Variants in UBP1 observed in about 807,000 individuals in gnomAD.
UBP1 encodes the protein upstream binding protein 1, also known as upstream-binding protein 1.
A neutral mutation model predicts 76.1 loss-of-function variants in UBP1; 22 were observed. That is an observed-to-expected ratio of 0.29 (90% confidence interval 0.21 to 0.41). The LOEUF is 0.41. UBP1 is among the 10% of genes least tolerant of loss of function. The probability of loss-of-function intolerance (pLI) is 1.00; values close to 1 mark genes in which losing one functional copy is unlikely to be tolerated. For missense variants in UBP1, 436 were observed against 668.1 expected (o/e 0.65, Z 3.83); for synonymous variants, 224 against 237.1 (o/e 0.94, Z 0.51).
chr3:33,396,694 C>A, intron 12 of UBP1: 1 of 457,248 alleles, frequency 2.2e-6, no homozygotes, highest in East Asian at 5.4e-5. Context: ...TTTTTAATAA[C>A]TGTTTAGTAA....
chr3:33,392,905 AGT>A, intron 14 of UBP1: 2 of 367,038 alleles, frequency 5.4e-6, no homozygotes, highest in South Asian at 1.6e-4. Flanking sequence ...AATTGCATAA[AGT>A]GCTCTTCTAT....
intron 2 of UBP1, among the ~76,000 whole-genome samples, chr3:33,417,605 C>A (rs2154058287): frequency 6.6e-6 from 1 of 152,122 alleles, no homozygotes; most frequent in South Asian, 2.1e-4. Flanking sequence ...TATTAGAAAA[C>A]ACAGATATTC....
intron 13 of UBP1, among the ~76,000 whole-genome samples, chr3:33,395,110 T>G (rs2043923902): frequency 6.6e-6 from 1 of 152,240 alleles, no homozygotes; most frequent in Non-Finnish European, 1.5e-5. Context: ...AAGCTCTTGA[T>G]GATACATGGA....
chr3:33,423,045 G>GT (rs11337499), intron 2 of UBP1, among the ~76,000 whole-genome samples: 15,681 of 144,550 alleles, frequency 0.11, 914 homozygotes, highest in Admixed American at 0.15. Flanking sequence ...AAAAAAGTTT[G>GT]TTTTTTTTTT....
rs543164113 is a variant in UBP1 at position 33,436,169 on chromosome 3, T to C, written c.113+3567A>G. Among the ~76,000 whole-genome samples, 3 of 152,368 alleles carry C rather than the reference T, an allele frequency of 2.0e-5. No individual in the cohort carries two copies. The East Asian group carries it at 5.8e-4, about 29-fold the overall frequency. On this transcript the variant is annotated intron_variant, in intron 1 of 15. Transcript: ENST00000283629. ...TGACAGATAATAGTGTACATTACCA[T>C]GTGCAACACGATGTTTTGACATATA...
intron 2 of UBP1, among the ~76,000 whole-genome samples, chr3:33,422,985 A>C (rs1476086973): frequency 6.6e-6 from 1 of 152,046 alleles, no homozygotes; most frequent in Admixed American, 6.5e-5. Flanking sequence ...GAAAGTTATA[A>C]TTTCTTTTAA....
Position 33,390,263 on chromosome 3 carries a change from G to T in UBP1, c.*68C>A. On this transcript the variant is annotated 3_prime_UTR_variant, in exon 16 of 16. Coordinates refer to ENST00000283629, the MANE Select transcript of UBP1 (RefSeq NM_014517.5). Reference sequence around the variant, plus strand: ...TAAAATCCAATCCCAAGACTTCTTGGATTCAGTCTTCACACACTTTTAAGC... The same window carrying T: ...TAAAATCCAATCCCAAGACTTCTTGTATTCAGTCTTCACACACTTTTAAGC... 6.8e-7 allele frequency: 1 copy of T among 1,463,244 alleles called. No homozygotes were observed. The highest frequency in any genetic ancestry group is 1.2e-5 in the South Asian group (1 of 84,344). The allele number at this position is 1,463,244 out of a possible 1,614,324, so 90.6% of individuals were successfully genotyped here.
At chr3:33,403,087 T>G in intron 8 of UBP1, 183 bp from the exon 9 acceptor site, 2 of 566,634 alleles carry the variant, frequency 3.5e-6, no homozygotes, top group Non-Finnish European at 6.3e-6. Context: ...TTTTACCTGC[T>G]GTGTGCGTCT....
intron 2 of UBP1, among the ~76,000 whole-genome samples, chr3:33,418,230 A>G (rs2044780063): frequency 6.6e-6 from 1 of 152,212 alleles, no homozygotes. Context: ...GCTGATTATC[A>G]GATCAATAAG....
intron 1 of UBP1, among the ~76,000 whole-genome samples, chr3:33,434,485 C>T (rs1304101157): frequency 6.7e-6 from 1 of 149,394 alleles, no homozygotes; most frequent in Non-Finnish European, 1.5e-5. Flanking sequence ...TGGGGTTTCA[C>T]CATGTTGGCC....
In UBP1 at chr3:33,439,825, G is replaced by A; in HGVS notation, c.24C>T (p.Asp8=). The A allele has an allele frequency of 6.2e-7, 1 of 1,612,458 alleles. No homozygotes were observed. The part of the protein sequence containing the change: MAWVLKM[D]EVIESGLVHD... ...GCACCAGCCCGGACTCGATCACCTC[G>A]TCCATCTTGAGCACCCAGGCCATCT... The change falls in exon 1 of 16, where the codon GAC becomes GAT. Residue 8 remains aspartate (D), a synonymous_variant. Transcript: ENST00000283629.
intron 5 of UBP1, 50 bp downstream of exon 5, chr3:33,411,531 T>C: frequency 3.3e-6 from 5 of 1,494,544 alleles, no homozygotes; most frequent in Non-Finnish European, 4.7e-6. Flanking sequence ...AATCCTACCA[T>C]GACCTAAATA....
chr3:33,434,582 C>T (rs760907446), intron 1 of UBP1, among the ~76,000 whole-genome samples: 2 of 151,522 alleles, frequency 1.3e-5, no homozygotes, highest in Non-Finnish European at 2.9e-5. Context: ...CCACTGCGCT[C>T]GGTGACTCTA....
At chr3:33,430,268 T>C (rs2045090955) in intron 1 of UBP1, among the ~76,000 whole-genome samples, 1 of 152,202 alleles carries the variant, frequency 6.6e-6, no homozygotes, top group African/African-American at 2.4e-5. Flanking sequence ...ACTGTAGTTT[T>C]AGTGGCCTTG....
In UBP1 at chr3:33,412,790, T is replaced by C. The variant is rs1013581060; in HGVS notation, c.380A>G (p.Gln127Arg). Residue 127 changes from glutamine (Q) to arginine (R), a missense_variant, in exon 4 of 16, where the codon CAA becomes CGA. Coordinates refer to ENST00000283629, the MANE Select transcript of UBP1 (RefSeq NM_014517.5). ...IRVVFHDRRL[Q>R]YTEHQQLEGW... is the part of the protein sequence containing the mutation. ...TTCAAGTTGCTGATGCTCTGTGTAT[T>C]GTAGCCGTCTGTCATGGAATACAAC... The C allele has an allele frequency of 6.2e-7, 1 of 1,614,118 alleles. No homozygotes were observed. Among genetic ancestry groups the C allele is most frequent in the Non-Finnish European group, 8.5e-7 (1 of 1,179,940 alleles).
chr3:33,423,015 G>A (rs1021766183), intron 2 of UBP1, among the ~76,000 whole-genome samples: 1 of 150,158 alleles, frequency 6.7e-6, no homozygotes, highest in African/African-American at 2.5e-5. Context: ...TAAAAGTACA[G>A]TTCCTTTAAA....
At chr3:33,417,835 G>T (rs988080657) in intron 2 of UBP1, among the ~76,000 whole-genome samples, 2 of 152,132 alleles carry the variant, frequency 1.3e-5, no homozygotes, top group Non-Finnish European at 2.9e-5. Context: ...CTCCCAGGGG[G>T]CTTACAGAAA....
chr3:33,437,122 CAT>C (rs1438929208), intron 1 of UBP1, among the ~76,000 whole-genome samples: 20 of 152,144 alleles, frequency 1.3e-4, no homozygotes, highest in African/African-American at 1.9e-4. Context: ...ACACAGAACA[CAT>C]GAGAACCAGA....
chr3:33,412,955 T>C lies in UBP1; in HGVS notation c.343-128A>G, dbSNP rs28609730. ...CAACTAGATTCTGTTTTAAACATTCTGTAAGTGAACTCTTTTGCCCTTGGA... is the reference window on the plus strand; with the variant it reads ...CAACTAGATTCTGTTTTAAACATTCCGTAAGTGAACTCTTTTGCCCTTGGA... On this transcript the variant is annotated intron_variant, in intron 3 of 15. Transcript: ENST00000283629. The C allele has an allele frequency of 2.1e-3, 1,217 of 575,794 alleles. 16 individuals carry two copies. The highest frequency in any genetic ancestry group is 0.021 in the African/African-American group (1,133 of 54,476). 35.7% of individuals were successfully genotyped at this position (575,794 alleles called of 1,614,324 possible).
Sources: allele counts gnomAD v4.1 joint callset (sites outside exome capture counted in the v4.1 genomes callset), GRCh38; gene constraint gnomAD v4.1.1; transcripts MANE v1.5; gene names NCBI Gene and HGNC (gene_info 2026-07-23, HGNC 2026-07-21).